The following DYSF variants were observed in gnomAD, a reference collection of about 807,000 sequenced individuals.
DYSF encodes dysferlin.
In DYSF, 212 loss-of-function variants were observed where a neutral mutation model predicts 274.9. The observed-to-expected ratio is 0.77, with a 90% CI of 0.69 to 0.86. The LOEUF (loss-of-function observed/expected upper bound fraction) is 0.86, where lower values mean the gene tolerates loss of function less well. DYSF is among the 40% of genes least tolerant of loss of function. The probability of loss-of-function intolerance (pLI) is 0.00; values close to 1 mark genes in which losing one functional copy is unlikely to be tolerated. For missense variants in DYSF, 2,666 were observed against 2,783.2 expected (o/e 0.96, Z 0.95); for synonymous variants, 1,091 against 1,078.7 (o/e 1.01, Z -0.22).
intron 1 of DYSF, among the ~76,000 whole-genome samples, chr2:71,461,457 C>T (rs1393127502): frequency 2.0e-5 from 3 of 152,178 alleles, no homozygotes; most frequent in Non-Finnish European, 4.4e-5. Context: ...TAGAAACTGA[C>T]GAGGCACCGG....
rs2094120915 is a variant in DYSF at position 71,622,135 on chromosome 2, T to TTTTTTTTTTTG, written c.4527+1536_4527+1537insGTTTTTTTTTT. On this transcript the variant is annotated intron_variant, in intron 41 of 55. Coordinates refer to ENST00000410020, the MANE Select transcript of DYSF (RefSeq NM_001130987.2). ...TCCATTCAGATGATTTCTTTGTTTT[T>TTTTTTTTTTTG]TTTTTTTTTTTGTTACGCCCAGGTA... 2.9e-5 allele frequency among the ~76,000 whole-genome samples: 4 copies of TTTTTTTTTTTG among 138,674 alleles called. No individual in the cohort carries two copies. In the South Asian group the frequency reaches 9.1e-4, roughly 32 times the overall value. 91.0% of individuals were successfully genotyped at this position (138,674 alleles called of 152,430 possible).
chr2:71,468,208 C>T (rs2081676553), intron 1 of DYSF, among the ~76,000 whole-genome samples: 3 of 152,166 alleles, frequency 2.0e-5, no homozygotes, highest in African/African-American at 4.8e-5. Context: ...GCAGAAATTG[C>T]GGTGTCACCA....
At chr2:71,618,901 ACTCCCAGG>A (rs199993158) in intron 40 of DYSF, among the ~76,000 whole-genome samples, 34 of 150,696 alleles carry the variant, frequency 2.3e-4, no homozygotes, top group African/African-American at 5.9e-4. Flanking sequence ...CGGCTCTGGG[ACTCCCAGG>A]CTCCCAGGCT....
At chr2:71,514,068 G>A in intron 7 of DYSF, 147 bp downstream of exon 7, 3 of 944,282 alleles carry the variant, frequency 3.2e-6, no homozygotes, top group Non-Finnish European at 3.3e-6. Flanking sequence ...GTTTCCCTGG[G>A]CCTGGGCAGA....
At chr2:71,575,874 C>T (rs1283533833) in intron 30 of DYSF, among the ~76,000 whole-genome samples, 17 of 152,176 alleles carry the variant, frequency 1.1e-4, no homozygotes, top group African/African-American at 2.9e-4. Context: ...CCCCAGGACT[C>T]GCACCCCTGT....
intron 41 of DYSF, among the ~76,000 whole-genome samples, chr2:71,632,145 A>G (rs2094325353): frequency 2.6e-5 from 4 of 152,112 alleles, no homozygotes; most frequent in Non-Finnish European, 4.4e-5. Flanking sequence ...TCCTATCTCT[A>G]TTGGTCCTAT....
intron 40 of DYSF, among the ~76,000 whole-genome samples, 160 bp from the exon 41 acceptor site, chr2:71,620,387 G>A (rs927961068): frequency 6.6e-6 from 1 of 152,258 alleles, no homozygotes; most frequent in East Asian, 1.9e-4. Flanking sequence ...CACATCTGGT[G>A]AGGTGTTGGA....
intron 41 of DYSF, among the ~76,000 whole-genome samples, chr2:71,643,477 G>A (rs2094518673): frequency 6.6e-6 from 1 of 152,168 alleles, no homozygotes; most frequent in African/African-American, 2.4e-5. Context: ...TTTATTGCCT[G>A]GGTAGGGAGG....
intron 41 of DYSF, among the ~76,000 whole-genome samples, chr2:71,635,205 C>T (rs1273503258): frequency 1.3e-5 from 2 of 152,150 alleles, no homozygotes; most frequent in African/African-American, 2.4e-5. Flanking sequence ...CTCTAGTTCT[C>T]GCTTCCTTTC....
chr2:71,590,709 C>T (rs2093237914), intron 32 of DYSF, among the ~76,000 whole-genome samples: 1 of 152,206 alleles, frequency 6.6e-6, no homozygotes, highest in Non-Finnish European at 1.5e-5. Flanking sequence ...GTGCAAACCT[C>T]CATGTGACCT....
chr2:71,504,302 G>A (rs1024722814), intron 4 of DYSF, among the ~76,000 whole-genome samples: 1 of 152,100 alleles, frequency 6.6e-6, no homozygotes, highest in Admixed American at 6.5e-5. Context: ...CTGCCCTCTC[G>A]GTGCTGGACT....
chr2:71,463,713 A>T (rs529193124), upstream of DYSF, among the ~76,000 whole-genome samples: 1 of 152,386 alleles, frequency 6.6e-6, no homozygotes, highest in South Asian at 2.1e-4. Flanking sequence ...CCTTATGCAC[A>T]CAAAGCAGGA....
At chr2:71,585,568 A>G (rs1317867086) in intron 30 of DYSF, among the ~76,000 whole-genome samples, 3 of 152,162 alleles carry the variant, frequency 2.0e-5, no homozygotes, top group Non-Finnish European at 2.9e-5. Context: ...CCACACCTGA[A>G]AACCAGAATG....
chr2:71,494,454 A>C (rs116631481), intron 3 of DYSF, among the ~76,000 whole-genome samples: 207 of 152,280 alleles, frequency 1.4e-3, no homozygotes, highest in African/African-American at 4.8e-3. Flanking sequence ...AGATGGTGCA[A>C]ATATCCTGCT....
intron 52 of DYSF, among the ~76,000 whole-genome samples, chr2:71,676,630 A>C (rs2095226822): frequency 6.6e-6 from 1 of 151,978 alleles, no homozygotes; most frequent in Admixed American, 6.6e-5. Flanking sequence ...TTAAAAGAAA[A>C]ACAAAAAAAA....
intron 22 of DYSF, among the ~76,000 whole-genome samples, chr2:71,558,329 CTG>C (rs1275341340): frequency 6.6e-6 from 1 of 152,130 alleles, no homozygotes; most frequent in African/African-American, 2.4e-5. Flanking sequence ...GTTGAGGTAT[CTG>C]TGAGGAAGCT....
At chr2:71,683,463 G>C (rs1352790211) in intron 55 of DYSF, among the ~76,000 whole-genome samples, 2 of 152,158 alleles carry the variant, frequency 1.3e-5, no homozygotes, top group Admixed American at 6.5e-5. Flanking sequence ...GACCTTGAAG[G>C]GGTTGCAGCA....
At chr2:71,485,445 A>G (rs2083285944) in intron 3 of DYSF, among the ~76,000 whole-genome samples, 2 of 152,172 alleles carry the variant, frequency 1.3e-5, no homozygotes, top group Non-Finnish European at 2.9e-5. Context: ...AATCCCAGCT[A>G]CTCAGGAGGC....
At chr2:71,464,664 C>A (rs572468574), upstream of DYSF, among the ~76,000 whole-genome samples, 1 of 151,632 alleles carries the variant, frequency 6.6e-6, no homozygotes, top group Non-Finnish European at 1.5e-5. Flanking sequence ...AGGAGGTCAG[C>A]GAGGTCAGCC....
Sources: allele counts gnomAD v4.1 joint callset (sites outside exome capture counted in the v4.1 genomes callset), GRCh38; gene constraint gnomAD v4.1.1; transcripts MANE v1.5; gene names NCBI Gene and HGNC (gene_info 2026-07-23, HGNC 2026-07-21).